Variants in OPN5 observed in about 807,000 individuals in gnomAD.
OPN5 encodes the protein opsin 5.
In OPN5, 18 loss-of-function variants were observed where a neutral mutation model predicts 41.7. The observed-to-expected ratio is 0.43, with a 90% CI of 0.30 to 0.64. The LOEUF is 0.64. Among genes scored for constraint, OPN5 ranks in the 30% least tolerant of loss-of-function variants. The pLI, the probability that OPN5 is intolerant of heterozygous loss-of-function variation, is 0.13. For missense variants in OPN5, 318 were observed against 434.5 expected (o/e 0.73, Z 2.38); for synonymous variants, 178 against 164.3 (o/e 1.08, Z -0.64).
At chr6:47,799,742 C>T (rs1294456249) in intron 4 of OPN5, among the ~76,000 whole-genome samples, 4 of 152,150 alleles carry the variant, frequency 2.6e-5, no homozygotes, top group African/African-American at 2.4e-5. Flanking sequence ...TGGTGTTCAG[C>T]TCAGTGGGGT....
intron 4 of OPN5, among the ~76,000 whole-genome samples, chr6:47,807,082 G>T (rs1192631313): frequency 6.6e-6 from 1 of 152,134 alleles, no homozygotes; most frequent in Non-Finnish European, 1.5e-5. Flanking sequence ...GCTTGAACCT[G>T]GCAGGCAGAG....
intron 5 of OPN5, among the ~76,000 whole-genome samples, chr6:47,808,812 C>T (rs985664141): frequency 4.6e-5 from 7 of 152,014 alleles, no homozygotes; most frequent in East Asian, 1.9e-4. Context: ...AAAAGTTGGG[C>T]GGGCAGAGGA....
chr6:47,799,412 G>A (rs1256678567), intron 4 of OPN5, among the ~76,000 whole-genome samples: 1 of 152,100 alleles, frequency 6.6e-6, no homozygotes, highest in African/African-American at 2.4e-5. Flanking sequence ...AAAGTTTCAG[G>A]AAGGTTTTCA....
chr6:47,814,202 T>G (rs1391654073), intron 6 of OPN5, among the ~76,000 whole-genome samples: 1 of 151,682 alleles, frequency 6.6e-6, no homozygotes, highest in Non-Finnish European at 1.5e-5. Flanking sequence ...GGGGGGATGA[T>G]TGTGGAAGTG....
chr6:47,816,069 T>C (rs1017201043), intron 6 of OPN5, among the ~76,000 whole-genome samples: 12 of 152,070 alleles, frequency 7.9e-5, no homozygotes, highest in Non-Finnish European at 1.2e-4. Context: ...GCTTTGTTGG[T>C]TTTGTTTTAT....
chr6:47,785,301 G>A (rs771059587), intron 1 of OPN5, among the ~76,000 whole-genome samples: 21 of 152,096 alleles, frequency 1.4e-4, no homozygotes, highest in Admixed American at 4.6e-4. Flanking sequence ...CTGGAACTCC[G>A]TAATCTCTTT....
At chr6:47,824,130 A>G in exon 7 of OPN5, 1 of 700,524 alleles carries the variant, frequency 1.4e-6, no homozygotes, top group South Asian at 1.7e-5. Flanking sequence ...ATAATTCACA[A>G]GGAATATCAA....
At chr6:47,799,189 G>C (rs1255807816) in intron 4 of OPN5, among the ~76,000 whole-genome samples, 3 of 141,064 alleles carry the variant, frequency 2.1e-5, no homozygotes, top group African/African-American at 8.0e-5. Flanking sequence ...ATAAACAGAG[G>C]TGTGATGTAT....
chr6:47,803,438 A>G (rs1773849468), intron 4 of OPN5, among the ~76,000 whole-genome samples: 1 of 152,160 alleles, frequency 6.6e-6, no homozygotes, highest in African/African-American at 2.4e-5. Context: ...TGTCACCCGC[A>G]TGCTCCTGTC....
chr6:47,796,032 GC>G (rs2113964710), intron 4 of OPN5, among the ~76,000 whole-genome samples: 1 of 152,264 alleles, frequency 6.6e-6, no homozygotes, highest in Non-Finnish European at 1.5e-5. Context: ...TACCATGTGT[GC>G]TTTCCCATGG....
rs538266311 is a variant in OPN5, at chr6:47,787,113, C to A, written c.250+479C>A. On this transcript the variant is annotated intron_variant, in intron 2 of 6. Transcript: ENST00000371211. ...TGAATGTAGGAAGAGGAAAGAGGTG[C>A]CCTGCTGATGATATATGTAATCATG... is the stretch of plus-strand genomic sequence containing the variant. 283 of 980,424 alleles carry A rather than the reference C, an allele frequency of 2.9e-4. 3 individuals carry two copies. The South Asian group carries it at 0.011, about 38-fold the overall frequency. The allele number at this position is 980,424 out of a possible 1,614,324, so 60.7% of individuals were successfully genotyped here. A position where few individuals can be genotyped will look rare whatever the true frequency, so the allele number is the denominator to read the frequency against.
intron 2 of OPN5, among the ~76,000 whole-genome samples, 161 bp downstream of exon 2, chr6:47,786,795 G>T (rs1404335882): frequency 1.3e-5 from 2 of 152,128 alleles, no homozygotes; most frequent in African/African-American, 4.8e-5. Flanking sequence ...AAGTCAATGG[G>T]GTGCTGTCCG....
intron 1 of OPN5, among the ~76,000 whole-genome samples, chr6:47,785,906 A>G (rs1399390888): frequency 6.6e-6 from 1 of 152,184 alleles, no homozygotes; most frequent in Non-Finnish European, 1.5e-5. Context: ...TATCTAGTCC[A>G]GTAGCAGCTG....
At chr6:47,823,112 T>C (rs928112) in intron 6 of OPN5, among the ~76,000 whole-genome samples, 2,139 of 152,322 alleles carry the variant, frequency 0.014, 29 homozygotes, top group South Asian at 0.033. Flanking sequence ...TGGTTAGTTA[T>C]GTGGCCGTGG....
At chr6:47,804,218 G>A (rs1773877626) in intron 4 of OPN5, among the ~76,000 whole-genome samples, 1 of 152,194 alleles carries the variant, frequency 6.6e-6, no homozygotes, top group East Asian at 1.9e-4. Flanking sequence ...CATGTACCCT[G>A]TGAATTTCCG....
chr6:47,821,384 C>T (rs979532536), intron 6 of OPN5, among the ~76,000 whole-genome samples: 17 of 152,070 alleles, frequency 1.1e-4, no homozygotes, highest in Admixed American at 1.1e-3. Flanking sequence ...AGAGGCAATC[C>T]CCGATGGAAG....
At chr6:47,808,492 G>A in intron 5 of OPN5, 97 bp downstream of exon 5, 1 of 1,349,532 alleles carries the variant, frequency 7.4e-7, no homozygotes, top group South Asian at 1.3e-5. Flanking sequence ...TAGGGTTAAA[G>A]CTCATCGCCT....
intron 2 of OPN5, among the ~76,000 whole-genome samples, chr6:47,791,357 G>T (rs2113956097): frequency 6.6e-6 from 1 of 151,182 alleles, no homozygotes; most frequent in East Asian, 1.9e-4. Context: ...GAATAGAAAA[G>T]TTGTGCTTGA....
At chr6:47,795,664 C>G in intron 4 of OPN5, 101 bp downstream of exon 4, 2 of 769,370 alleles carry the variant, frequency 2.6e-6, no homozygotes, top group Non-Finnish European at 4.3e-6. Context: ...CTTAGAATCT[C>G]TATTCTTTAC....
Sources: gnomAD v4.1 joint callset for allele counts (sites outside exome capture counted in the v4.1 genomes callset) on GRCh38, gnomAD v4.1.1 for gene constraint, MANE v1.5 for transcripts, NCBI Gene and HGNC (gene_info 2026-07-23, HGNC 2026-07-21) for gene names.